Variants in UBE2J2 observed in about 807,000 individuals in gnomAD.
UBE2J2 encodes the protein ubiquitin conjugating enzyme E2 J2.
A neutral mutation model predicts 28.6 loss-of-function variants in UBE2J2; 5 were observed. That is an observed-to-expected ratio of 0.17 (90% confidence interval 0.09 to 0.37). The LOEUF (loss-of-function observed/expected upper bound fraction) is 0.37, where lower values mean the gene tolerates loss of function less well. UBE2J2 is among the 10% of genes least tolerant of loss of function. The probability of loss-of-function intolerance (pLI) is 1.00; values close to 1 mark genes in which losing one functional copy is unlikely to be tolerated. For missense variants in UBE2J2, 226 were observed against 338.9 expected (o/e 0.67, Z 2.62); for synonymous variants, 138 against 139.7 (o/e 0.99, Z 0.09).
intron 3 of UBE2J2, chr1:1,263,000 T>C: frequency 4.2e-6 from 1 of 239,522 alleles, no homozygotes; most frequent in Non-Finnish European, 8.4e-6. Flanking sequence ...AATAACTGAA[T>C]ATATGTGCCT....
At chr1:1,263,134 C>T in intron 3 of UBE2J2, 1 of 557,514 alleles carries the variant, frequency 1.8e-6, no homozygotes, top group Non-Finnish European at 3.3e-6. Flanking sequence ...ACAGACGCTA[C>T]AGGCGGCCCT....
At chr1:1,259,789 G>A (rs1006625726) in intron 3 of UBE2J2, among the ~76,000 whole-genome samples, 1 of 152,120 alleles carries the variant, frequency 6.6e-6, no homozygotes, top group African/African-American at 2.4e-5. Context: ...TCACAGCGTG[G>A]CCCCACGGGG....
intron 2 of UBE2J2, among the ~76,000 whole-genome samples, chr1:1,264,464 T>C (rs924381278): frequency 1.3e-5 from 2 of 152,114 alleles, no homozygotes; most frequent in Non-Finnish European, 2.9e-5. Flanking sequence ...CCAGGACATG[T>C]GTGCCATCAC....
intron 1 of UBE2J2, among the ~76,000 whole-genome samples, chr1:1,269,822 AC>A (rs1640058592): frequency 6.6e-6 from 1 of 152,126 alleles, no homozygotes; most frequent in African/African-American, 2.4e-5. Context: ...ACGGACAGTG[AC>A]CAGTGATCTC....
rs906974337 is a variant in UBE2J2, at chr1:1,255,151, C to T, written c.*52G>A. 24 of 1,521,188 alleles carry T rather than the reference C, an allele frequency of 1.6e-5. No homozygotes were observed. The highest frequency in any genetic ancestry group is 2.3e-5 in the East Asian group (1 of 43,470). The allele number at this position is 1,521,188 out of a possible 1,614,324, so 94.2% of individuals were successfully genotyped here. ...CAGTGTGTCCAGCCTGCCGAGGTCA[C>T]GCTCTGGTGCGCGGTGCCCTCAGTG... On this transcript the variant is annotated 3_prime_UTR_variant, in exon 7 of 7. Transcript: ENST00000349431.
intron 3 of UBE2J2, among the ~76,000 whole-genome samples, chr1:1,261,239 C>T (rs1038334485): frequency 3.3e-5 from 5 of 152,060 alleles, no homozygotes; most frequent in East Asian, 1.9e-4. Context: ...TCCGCGGGGA[C>T]GGGAGCAGCA....
intron 1 of UBE2J2, among the ~76,000 whole-genome samples, chr1:1,270,759 A>C (rs1368711012): frequency 2.6e-5 from 4 of 151,598 alleles, no homozygotes; most frequent in Non-Finnish European, 5.9e-5. Flanking sequence ...CTCCACAGCC[A>C]AGCAAATAAA....
intron 2 of UBE2J2, among the ~76,000 whole-genome samples, chr1:1,264,464 T>G (rs924381278): frequency 3.9e-5 from 6 of 152,232 alleles, no homozygotes; most frequent in African/African-American, 1.2e-4. Context: ...CCAGGACATG[T>G]GTGCCATCAC....
At position 1,257,029 on chromosome 1, in the gene UBE2J2, C is replaced by G; in HGVS notation, c.377G>C (p.Gly126Ala). The G allele has an allele frequency of 1.2e-6, 2 of 1,611,390 alleles. No individual in the cohort carries two copies. The highest frequency in any genetic ancestry group is 1.7e-6 in the Non-Finnish European group (2 of 1,178,546). ...CGTCTCTATACTGCCCAGGGTGGGG[C>G]CCTTCTCCACCATGAAGCTCAGGAG... ...TGLLSFMVEK[G>A]PTLGSIETSD... Residue 126 changes from glycine to alanine, a missense_variant, in exon 5 of 7, where the codon GGC (glycine) becomes GCC (alanine). Coordinates refer to ENST00000349431, the MANE Select transcript of UBE2J2 (RefSeq NM_058167.3).
At chr1:1,262,290 A>C (rs771589437) in intron 3 of UBE2J2, 1 of 455,218 alleles carries the variant, frequency 2.2e-6, no homozygotes, top group Non-Finnish European at 4.4e-6. Context: ...GGCATCCCCA[A>C]CGCTGGTCAT....
At chr1:1,271,581 C>T (rs1640145041) in intron 1 of UBE2J2, 1 of 152,124 alleles carries the variant, frequency 6.6e-6, no homozygotes, top group Non-Finnish European at 1.5e-5. Context: ...TCCTGAGCTT[C>T]ACACAGAACA....
At chr1:1,261,100 G>A (rs1478427545) in intron 3 of UBE2J2, among the ~76,000 whole-genome samples, 1 of 152,230 alleles carries the variant, frequency 6.6e-6, no homozygotes, top group Non-Finnish European at 1.5e-5. Flanking sequence ...AGATACCAGA[G>A]GCTAAGAAAC....
At chr1:1,262,347 G>A (rs1267279317) in intron 3 of UBE2J2, 8 of 456,082 alleles carry the variant, frequency 1.8e-5, no homozygotes, top group South Asian at 4.6e-5. Flanking sequence ...ATGTACTCCC[G>A]CACTCTGGCT....
Position 1,256,144 on chromosome 1 carries a change from G to A in UBE2J2, c.415-19C>T. On this transcript the variant is annotated intron_variant, in intron 5 of 6. Transcript: ENST00000349431. ...GTCTTTTCTAGGAAGGAAGGGAAGGGAATCAGCCAGAAAACTAATTTCAAT... is the reference window on the plus strand; with the variant it reads ...GTCTTTTCTAGGAAGGAAGGGAAGGAAATCAGCCAGAAAACTAATTTCAAT... 6.4e-7 allele frequency: 1 copy of A among 1,552,142 alleles called. No homozygotes were observed. Among genetic ancestry groups the A allele is most frequent in the Non-Finnish European group, 8.9e-7 (1 of 1,126,612 alleles).
At position 1,255,414 on chromosome 1, in the gene UBE2J2, A is replaced by G. The variant is rs1427774653; in HGVS notation, c.569T>C (p.Val190Ala). Reference sequence around the variant, plus strand: ...GACGAGGTGCGTCTCCCCGTCTGGAACCACGTCTGGCAAGGGGAGAGTCTG... The same window carrying G: ...GACGAGGTGCGTCTCCCCGTCTGGAGCCACGTCTGGCAAGGGGAGAGTCTG... The part of the protein sequence containing the change: ...RPQTLPLPDV[V>A]PDGETHLVQN... Residue 190 changes from valine (V) to alanine (A), a missense_variant, in exon 7 of 7, where the codon GTT becomes GCT. Transcript: ENST00000349431. 1.2e-6 allele frequency: 2 copies of G among 1,613,776 alleles called. No individual in the cohort carries two copies. The highest frequency in any genetic ancestry group is 1.7e-6 in the Non-Finnish European group (2 of 1,179,996).
chr1:1,265,404 C>T (rs141104787), intron 2 of UBE2J2, among the ~76,000 whole-genome samples: 433 of 152,308 alleles, frequency 2.8e-3, no homozygotes, highest in Non-Finnish European at 4.5e-3. Flanking sequence ...TAGGACCAGC[C>T]CCATAAAGTC....
intron 3 of UBE2J2, among the ~76,000 whole-genome samples, chr1:1,258,649 G>A (rs866621131): frequency 2.0e-5 from 3 of 152,186 alleles, no homozygotes; most frequent in Admixed American, 6.5e-5. Context: ...ACAGCACAGC[G>A]CCCAGACGCC....
At chr1:1,257,407 C>CCCCCCCCCCCCCCCCCCCCCCG (rs1553154853) in intron 3 of UBE2J2, 97 bp from the exon 4 acceptor site, 1 of 553,958 alleles carries the variant, frequency 1.8e-6, no homozygotes, top group African/African-American at 5.7e-5. Flanking sequence ...CCCCCCCCCC[C>CCCCCCCCCCCCCCCCCCCCCCG]CTCAGCTCGG....
intron 2 of UBE2J2, chr1:1,266,070 C>T (rs981163437): frequency 1.4e-5 from 18 of 1,303,552 alleles, no homozygotes; most frequent in East Asian, 5.6e-5. Flanking sequence ...AGCGAGGAGG[C>T]GGCTACCGTG....
Sources: allele counts gnomAD v4.1 joint callset (sites outside exome capture counted in the v4.1 genomes callset), GRCh38; gene constraint gnomAD v4.1.1; transcripts MANE v1.5; gene names NCBI Gene and HGNC (gene_info 2026-07-23, HGNC 2026-07-21).